Variants in STARD3 observed in about 807,000 individuals in gnomAD.
STARD3 encodes StAR related lipid transfer domain containing 3, also known as stAR-related lipid transfer protein 3.
A neutral mutation model predicts 62.0 loss-of-function variants in STARD3; 39 were observed. The observed-to-expected ratio is 0.63, with a 90% CI of 0.49 to 0.82. STARD3 has a LOEUF of 0.82. Among genes scored for constraint, STARD3 ranks in the 40% least tolerant of loss-of-function variants. STARD3 has a pLI of 0.00. For synonymous variants in STARD3, 229 were observed against 242.4 expected, an observed-to-expected ratio of 0.94 and a Z score of 0.51; for missense variants, 543 against 584.5, an observed-to-expected ratio of 0.93 and a Z score of 0.73.
rs1158417385 is a variant in STARD3, at chr17:39,660,692, AG to A, written c.955-116del. 2.2e-6 allele frequency: 3 copies of A among 1,374,070 alleles called. No individual in the cohort carries two copies. The highest frequency in any genetic ancestry group is 3.0e-6 in the Non-Finnish European group (3 of 987,576). 85.1% of individuals were successfully genotyped at this position (1,374,070 alleles called of 1,614,324 possible). On this transcript the variant is annotated intron_variant, in intron 11 of 14. Coordinates refer to ENST00000336308, the MANE Select transcript of STARD3 (RefSeq NM_006804.4). This position sits in a 1 kb window ranked among gnomAD's most constrained non-coding sequence, Gnocchi z 4.8. ...GAGGAGGGCAGGAGGAGTGCTCATCAGGCGCTGCCCAGGGCCTGCCTGTGGC... is the reference window on the plus strand; with the variant it reads ...GAGGAGGGCAGGAGGAGTGCTCATCAGCGCTGCCCAGGGCCTGCCTGTGGC...
intron 1 of STARD3, chr17:39,652,519 G>C (rs2057087468): frequency 6.6e-6 from 1 of 152,300 alleles, no homozygotes; most frequent in South Asian, 2.1e-4. Flanking sequence ...GGAGCAGGAG[G>C]GTGGGAGGCT....
Position 39,653,571 on chromosome 17 carries a change from C to T in STARD3, c.40C>T (p.Arg14Cys), listed in dbSNP as rs765536882. Residue 14 changes from arginine to cysteine, a missense_variant, in exon 2 of 15, where the codon CGC (arginine) becomes TGC (cysteine). Physicochemically the swap from Arg to Cys is radical, Grantham distance 180. Transcript: ENST00000336308. Reference protein sequence around the residue: ...LPRELTRDLERSLPAVASLGS... With the variant: ...LPRELTRDLECSLPAVASLGS... ...CAGGGAGCTGACCCGAGACTTGGAGCGCAGCCTGCCTGCCGTGGCCTCCCT... is the reference window on the plus strand; with the variant it reads ...CAGGGAGCTGACCCGAGACTTGGAGTGCAGCCTGCCTGCCGTGGCCTCCCT... The T allele has an allele frequency of 2.1e-5, 33 of 1,608,294 alleles. No individual in the cohort carries two copies. The highest frequency in any genetic ancestry group is 2.1e-5 in the Non-Finnish European group (25 of 1,179,980).
intron 1 of STARD3, among the ~76,000 whole-genome samples, chr17:39,645,065 C>T (rs535295447): frequency 1.1e-4 from 17 of 152,234 alleles, no homozygotes; most frequent in African/African-American, 4.1e-4. Flanking sequence ...GAGTGGGAGG[C>T]GGCTTAGCCA....
At chr17:39,657,354 C>T (rs1419911618) in intron 3 of STARD3, among the ~76,000 whole-genome samples, 2 of 151,968 alleles carry the variant, frequency 1.3e-5, no homozygotes, top group Non-Finnish European at 2.9e-5. Flanking sequence ...GGTGAAACCC[C>T]GCCTCTACTA....
Position 39,663,834 on chromosome 17 carries a change from G to C in STARD3, c.*926G>C, listed in dbSNP as rs1217438183. On this transcript the variant is annotated 3_prime_UTR_variant, in exon 15 of 15. Transcript: ENST00000336308. ...TGTGTGGCCTGGAGATGGGGCCTGA[G>C]CTTCAGGGTCACTGAGGCACCTCTG... Among the ~76,000 whole-genome samples the C allele has an allele frequency of 6.6e-6, 1 of 152,156 alleles. No individual in the cohort carries two copies. Among genetic ancestry groups the C allele is most frequent in the East Asian group, 1.9e-4 (1 of 5,190 alleles).
intron 5 of STARD3, 55 bp from the exon 6 acceptor site, chr17:39,658,350 G>A (rs2057154956): frequency 4.6e-6 from 7 of 1,523,842 alleles, no homozygotes; most frequent in African/African-American, 1.4e-5. Context: ...CCACAGAAGG[G>A]GGCTCTGGGT....
At chr17:39,646,870 C>G (rs1039348504) in intron 1 of STARD3, among the ~76,000 whole-genome samples, 1 of 152,174 alleles carries the variant, frequency 6.6e-6, no homozygotes, top group African/African-American at 2.4e-5. Context: ...TGACTTCCCC[C>G]CTCCCCACCC....
rs1254754953 is a variant in STARD3, at chr17:39,657,799, G to A, written c.322G>A (p.Gly108Arg). The A allele has an allele frequency of 1.2e-6, 2 of 1,614,074 alleles. No homozygotes were observed. The highest frequency in any genetic ancestry group is 1.7e-6 in the Non-Finnish European group (2 of 1,180,040). ...IFVLAFFRFS[G>R]LLLGYAVLRL... ...GGTCCTGGCCTTCTTCCGCTTCTCT[G>A]GACTGCTCCTAGGCTATGCCGTGCT... The change falls in exon 4 of 15, where the codon GGA (glycine) becomes AGA (arginine). Residue 108 changes from glycine (G) to arginine (R), a missense_variant. Physicochemically the swap from Gly to Arg is moderately radical, Grantham distance 125. Transcript: ENST00000336308.
chr17:39,663,942 G>A lies in STARD3; in HGVS notation c.*1034G>A, dbSNP rs45628436. On this transcript the variant is annotated 3_prime_UTR_variant, in exon 15 of 15. Transcript: ENST00000336308. Reference sequence around the variant, plus strand: ...CCCGCACGGCACTCACACCAGGGGCGGCCTGGAGCCCGGATCGCAGGGCGG... The same window carrying A: ...CCCGCACGGCACTCACACCAGGGGCAGCCTGGAGCCCGGATCGCAGGGCGG... 1.7e-4 allele frequency among the ~76,000 whole-genome samples: 26 copies of A among 152,176 alleles called. No homozygotes were observed. In the East Asian group the frequency reaches 3.3e-3, roughly 19 times the overall value.
intron 2 of STARD3, among the ~76,000 whole-genome samples, chr17:39,655,222 A>T (rs554330476): frequency 6.6e-6 from 1 of 152,272 alleles, no homozygotes; most frequent in South Asian, 2.1e-4. Context: ...GTCTTGCTCT[A>T]TTGGCCAGGC....
At chr17:39,637,315 C>CGT (rs889255891) in intron 1 of STARD3, 84 bp downstream of exon 1, 1 of 152,316 alleles carries the variant, frequency 6.6e-6, no homozygotes, top group Admixed American at 6.5e-5. Flanking sequence ...GCCCGCTGTC[C>CGT]GTGCTGGGTT....
At position 39,653,543 on chromosome 17, in the gene STARD3, G is replaced by A. The variant is rs1329673166; in HGVS notation, c.12G>A (p.Leu4=). MSK[L]PRELTRDLER... ...GGGGGCCCACCAGGATGAGCAAGCT[G>A]CCCAGGGAGCTGACCCGAGACTTGG... The change falls in exon 2 of 15, where the codon CTG becomes CTA. Residue 4 remains leucine (L), a synonymous_variant. Coordinates refer to ENST00000336308, the MANE Select transcript of STARD3 (RefSeq NM_006804.4). The A allele has an allele frequency of 1.2e-6, 2 of 1,603,968 alleles. No homozygotes were observed. Among genetic ancestry groups the A allele is most frequent in the Non-Finnish European group, 1.7e-6 (2 of 1,179,860 alleles).
intron 13 of STARD3, 26 bp downstream of exon 13, chr17:39,661,111 C>A (rs753706812): frequency 1.2e-6 from 2 of 1,600,890 alleles, no homozygotes; most frequent in East Asian, 4.5e-5. Flanking sequence ...CCTGGGGTCA[C>A]CCCTGCCAGC....
chr17:39,657,726 GT>G (rs750487770), intron 3 of STARD3, 48 bp from the exon 4 acceptor site: 6 of 1,608,388 alleles, frequency 3.7e-6, no homozygotes, highest in East Asian at 2.2e-5. Context: ...CTGCAGCAGG[GT>G]GGGGGGCAGT....
chr17:39,647,608 A>G (rs1279112490), intron 1 of STARD3, among the ~76,000 whole-genome samples: 1 of 152,138 alleles, frequency 6.6e-6, no homozygotes, highest in Non-Finnish European at 1.5e-5. Flanking sequence ...GTGGGTTTTC[A>G]TCACTTAGAC....
chr17:39,643,229 G>T (rs905206948), intron 1 of STARD3, among the ~76,000 whole-genome samples: 1 of 152,130 alleles, frequency 6.6e-6, no homozygotes, highest in African/African-American at 2.4e-5. Context: ...TGGAAGGGAG[G>T]TGTGACCAGA....
At chr17:39,654,679 G>A (rs959207796) in intron 2 of STARD3, among the ~76,000 whole-genome samples, 14 of 152,234 alleles carry the variant, frequency 9.2e-5, no homozygotes, top group African/African-American at 3.4e-4. Flanking sequence ...GCTTTGGCCC[G>A]ATGACCTCAG....
rs1017878184 is a variant in STARD3 at position 39,663,229 on chromosome 17, C to T, written c.*321C>T. 8 of 409,728 alleles carry T rather than the reference C, an allele frequency of 2.0e-5. No individual in the cohort carries two copies. The highest frequency in any genetic ancestry group is 4.4e-5 in the Admixed American group (1 of 22,810). The allele number at this position is 409,728 out of a possible 1,614,324, so 25.4% of individuals were successfully genotyped here. A position where few individuals can be genotyped will look rare whatever the true frequency, so the allele number is the denominator to read the frequency against. ...GGGCACCTGACTTGGCTGGGGAGGA[C>T]CAGGGCCCTGGGCAGGGCAGGGCAG... On this transcript the variant is annotated 3_prime_UTR_variant, in exon 15 of 15. Coordinates refer to ENST00000336308, the MANE Select transcript of STARD3 (RefSeq NM_006804.4).
intron 14 of STARD3, 162 bp downstream of exon 14, chr17:39,662,506 CTT>C: frequency 1.4e-6 from 1 of 720,558 alleles, no homozygotes; most frequent in South Asian, 1.8e-5. Flanking sequence ...CAGATGGTCT[CTT>C]AGCCCTGGGT....
Sources: gnomAD v4.1 joint callset for allele counts (sites outside exome capture counted in the v4.1 genomes callset) on GRCh38, gnomAD v4.1.1 for gene constraint, Gnocchi (gnomAD v3.1) non-coding constraint, MANE v1.5 for transcripts, NCBI Gene and HGNC (gene_info 2026-07-23, HGNC 2026-07-21) for gene names.